The following PPM1L variants were observed in gnomAD, a reference collection of about 807,000 sequenced individuals.
PPM1L encodes protein phosphatase 1L.
PPM1L carries 13 observed loss-of-function variants against 31.4 expected under a neutral mutation model. That is an observed-to-expected ratio of 0.41 (90% CI 0.27 to 0.66). The LOEUF (loss-of-function observed/expected upper bound fraction) is 0.66, where lower values mean the gene tolerates loss of function less well. PPM1L is among the 30% of genes least tolerant of loss of function. The pLI is 0.29. For synonymous variants in PPM1L, 184 were observed against 175.4 expected (o/e 1.05, Z -0.39); for missense variants, 326 against 453.7 (o/e 0.72, Z 2.56).
intron 1 of PPM1L, among the ~76,000 whole-genome samples, chr3:160,919,592 G>A (rs761721420): frequency 2.6e-5 from 4 of 152,092 alleles, no homozygotes; most frequent in Non-Finnish European, 5.9e-5. Context: ...CTAAGAACGC[G>A]TAGCTTTTTT....
intron 2 of PPM1L, among the ~76,000 whole-genome samples, chr3:161,021,197 T>C (rs1718226763): frequency 1.3e-5 from 2 of 152,054 alleles, no homozygotes; most frequent in South Asian, 2.1e-4. Flanking sequence ...AAAAACACTT[T>C]AGCTGTATCC....
chr3:160,913,084 A>G (rs1714030725), intron 1 of PPM1L, among the ~76,000 whole-genome samples: 2 of 152,196 alleles, frequency 1.3e-5, no homozygotes, highest in Admixed American at 6.5e-5. Context: ...AAGATGGTAT[A>G]TGAATTTTTG....
intron 1 of PPM1L, among the ~76,000 whole-genome samples, chr3:160,945,256 C>G (rs1715372378): frequency 6.6e-6 from 1 of 151,530 alleles, no homozygotes; most frequent in South Asian, 2.1e-4. Flanking sequence ...TGCATACCAT[C>G]CAGTCCCTGT....
Position 160,973,764 on chromosome 3 carries a change from G to GTTTTTTTTT in PPM1L, c.574+11875_574+11883dup, listed in dbSNP as rs75599237. Among the ~76,000 whole-genome samples the GTTTTTTTTT allele has an allele frequency of 4.7e-3, 414 of 88,374 alleles. 43 individuals are homozygous for GTTTTTTTTT. Among genetic ancestry groups the GTTTTTTTTT allele is most frequent in the Middle Eastern group, 7.2e-3 (1 of 138 alleles). 58.0% of individuals were successfully genotyped at this position (88,374 alleles called of 152,430 possible). Reference sequence around the variant, plus strand: ...GGTAAATTGCCTTCTGAAAGGCCCTGTTTTTTTTTTTTTTTTTTTTTTTTT... The same window carrying GTTTTTTTTT: ...GGTAAATTGCCTTCTGAAAGGCCCTGTTTTTTTTTTTTTTTTTTTTTTTTTTTTTTTTTT... On this transcript the variant is annotated intron_variant, in intron 2 of 3. Transcript: ENST00000498165.
intron 2 of PPM1L, among the ~76,000 whole-genome samples, chr3:160,968,760 A>G (rs914155009): frequency 1.3e-5 from 2 of 152,214 alleles, no homozygotes; most frequent in Non-Finnish European, 2.9e-5. Flanking sequence ...AACAGGAGTG[A>G]AGAGCTGCAT....
intron 1 of PPM1L, among the ~76,000 whole-genome samples, chr3:160,762,493 T>G (rs1382904617): frequency 6.6e-6 from 1 of 152,208 alleles, no homozygotes; most frequent in African/African-American, 2.4e-5. Context: ...TTCTATGTGA[T>G]GTCTAAAGAT....
chr3:160,961,083 CAA>C (rs1338323953), intron 1 of PPM1L, among the ~76,000 whole-genome samples: 1 of 152,076 alleles, frequency 6.6e-6, no homozygotes, highest in East Asian at 1.9e-4. Flanking sequence ...ACAAACTTGT[CAA>C]AGTAAGAATT....
chr3:160,878,973 T>C (rs1014160934), intron 1 of PPM1L, among the ~76,000 whole-genome samples: 1 of 152,204 alleles, frequency 6.6e-6, no homozygotes, highest in Non-Finnish European at 1.5e-5. Flanking sequence ...TTTATTAAAC[T>C]CAGAACCTGA....
intron 2 of PPM1L, among the ~76,000 whole-genome samples, chr3:160,962,259 A>G (rs899924098): frequency 8.1e-6 from 1 of 123,206 alleles, no homozygotes; most frequent in African/African-American, 2.5e-5. Context: ...TTGTGTTAAT[A>G]TTAGATATTT....
intron 2 of PPM1L, among the ~76,000 whole-genome samples, chr3:161,011,690 C>T (rs1291269204): frequency 1.6e-4 from 24 of 152,230 alleles, no homozygotes; most frequent in Admixed American, 1.2e-3. Context: ...TCTTTTATTT[C>T]GTTGAGCAGT....
Position 160,944,865 on chromosome 3 carries a change from A to AACTG in PPM1L, c.400-16870_400-16869insCTGA, listed in dbSNP as rs1553748208. Among the ~76,000 whole-genome samples the AACTG allele has an allele frequency of 2.0e-4, 8 of 40,996 alleles. 2 individuals are homozygous for AACTG. The highest frequency in any genetic ancestry group is 6.1e-4 in the Admixed American group (2 of 3,304). The allele number at this position is 40,996 out of a possible 152,430, so 26.9% of individuals were successfully genotyped here. On this transcript the variant is annotated intron_variant, in intron 1 of 3. Coordinates refer to ENST00000498165, the MANE Select transcript of PPM1L (RefSeq NM_139245.4). ...GTTATATATAACATATATTATATAT[A>AACTG]ATGTTATATATAACATATATATTAT...
At chr3:160,959,262 A>G (rs773914004) in intron 1 of PPM1L, among the ~76,000 whole-genome samples, 85 of 151,710 alleles carry the variant, frequency 5.6e-4, no homozygotes, top group Non-Finnish European at 5.6e-4. Context: ...ATGCAAAGGC[A>G]TAAGAATGAT....
chr3:160,811,715 G>T (rs866664099), intron 1 of PPM1L, among the ~76,000 whole-genome samples: 1 of 152,156 alleles, frequency 6.6e-6, no homozygotes, highest in Non-Finnish European at 1.5e-5. Flanking sequence ...GCTCTGTGAC[G>T]TTCTACCTAG....
At chr3:160,915,835 C>T (rs1171785277) in intron 1 of PPM1L, among the ~76,000 whole-genome samples, 1 of 152,150 alleles carries the variant, frequency 6.6e-6, no homozygotes, top group Non-Finnish European at 1.5e-5. Context: ...ATAAATGGTG[C>T]TGGGAAAACT....
intron 1 of PPM1L, among the ~76,000 whole-genome samples, chr3:160,937,619 C>CAA (rs200296655): frequency 1.3e-5 from 2 of 148,506 alleles, no homozygotes; most frequent in Non-Finnish European, 1.5e-5. Context: ...GTCTCCGTCT[C>CAA]AAAAAAAAAC....
At chr3:160,977,584 C>A (rs1716638753) in intron 2 of PPM1L, among the ~76,000 whole-genome samples, 1 of 152,066 alleles carries the variant, frequency 6.6e-6, no homozygotes, top group Non-Finnish European at 1.5e-5. Context: ...TCTTAGTCTG[C>A]CTCATTCAAG....
chr3:160,944,901 TGTTAC>T, intron 1 of PPM1L, among the ~76,000 whole-genome samples: 1 of 51,306 alleles, frequency 1.9e-5, no homozygotes, highest in African/African-American at 6.4e-5. Context: ...ATATAACTGA[TGTTAC>T]ATATATAATA....
chr3:160,912,060 G>T (rs987742663), intron 1 of PPM1L, among the ~76,000 whole-genome samples: 1 of 152,274 alleles, frequency 6.6e-6, no homozygotes, highest in East Asian at 1.9e-4. Flanking sequence ...GAAGGCTTGG[G>T]AAGACCTGAA....
intron 2 of PPM1L, among the ~76,000 whole-genome samples, chr3:161,009,446 A>G (rs1259242850): frequency 6.6e-6 from 1 of 152,252 alleles, no homozygotes; most frequent in African/African-American, 2.4e-5. Context: ...GTTTTTTAAT[A>G]GGATGCAAAT....
Sources: gnomAD v4.1 joint callset for allele counts (sites outside exome capture counted in the v4.1 genomes callset) on GRCh38, gnomAD v4.1.1 for gene constraint, MANE v1.5 for transcripts, NCBI Gene and HGNC (gene_info 2026-07-23, HGNC 2026-07-21) for gene names.